The following FZD3 variants were observed in gnomAD, a reference collection of about 807,000 sequenced individuals.
FZD3 encodes frizzled class receptor 3.
In FZD3, 30 loss-of-function variants were observed where a neutral mutation model predicts 60.7. The observed-to-expected ratio is 0.49, with a 90% confidence interval of 0.37 to 0.67. The LOEUF (loss-of-function observed/expected upper bound fraction) is 0.67, where lower values mean the gene tolerates loss of function less well. Among genes scored for constraint, FZD3 ranks in the 30% least tolerant of loss-of-function variants. FZD3 has a pLI of 0.00. For synonymous variants in FZD3, 246 were observed against 275.2 expected, an observed-to-expected ratio of 0.89 and a Z score of 1.05; for missense variants, 605 against 838.7, an observed-to-expected ratio of 0.72 and a Z score of 3.44.
At chr8:28,535,797 G>T (rs550302143) in intron 5 of FZD3, among the ~76,000 whole-genome samples, 4 of 152,148 alleles carry the variant, frequency 2.6e-5, no homozygotes, top group East Asian at 3.9e-4. Context: ...AGATATTTGG[G>T]TTTTTTTGGT....
chr8:28,502,972 G>A lies in FZD3; in HGVS notation c.-42G>A. On this transcript the variant is annotated 5_prime_UTR_variant, in exon 3 of 8. Coordinates refer to ENST00000240093, the MANE Select transcript of FZD3 (RefSeq NM_017412.4). ...TGTATAAATATCTAAAATACATATT[G>A]AATAGGCCTGATCATCTGAATCTCC... is the stretch of plus-strand genomic sequence containing the variant. The A allele has an allele frequency of 2.2e-6, 3 of 1,371,702 alleles. No homozygotes were observed. The highest frequency in any genetic ancestry group is 3.6e-4 in the Middle Eastern group (2 of 5,546). The allele number at this position is 1,371,702 out of a possible 1,614,324, so 85.0% of individuals were successfully genotyped here. A position where few individuals can be genotyped will look rare whatever the true frequency, so the allele number is the denominator to read the frequency against.
intron 4 of FZD3, among the ~76,000 whole-genome samples, chr8:28,524,632 C>G (rs1213121002): frequency 3.3e-5 from 5 of 152,144 alleles, no homozygotes; most frequent in Non-Finnish European, 7.4e-5. Context: ...TTTTCTGCCC[C>G]TTGAATAATG....
chr8:28,506,936 A>T (rs1486314839), intron 3 of FZD3, among the ~76,000 whole-genome samples: 1 of 152,180 alleles, frequency 6.6e-6, no homozygotes, highest in Non-Finnish European at 1.5e-5. Context: ...AGCCTTAAAC[A>T]TTACCAACTC....
At chr8:28,509,799 C>T (rs1804236678) in intron 3 of FZD3, among the ~76,000 whole-genome samples, 1 of 152,112 alleles carries the variant, frequency 6.6e-6, no homozygotes, top group South Asian at 2.1e-4. Flanking sequence ...AATAGTATTC[C>T]ATTGTAGGTA....
chr8:28,570,190 T>C lies in FZD3; in HGVS notation c.*7179T>C, dbSNP rs1805779414. 2.0e-5 allele frequency: 3 copies of C among 152,214 alleles called. No homozygotes were observed. Among genetic ancestry groups the C allele is most frequent in the Admixed American group, 1.3e-4 (2 of 15,284 alleles). The allele number at this position is 152,214 out of a possible 1,614,324, so 9.4% of individuals were successfully genotyped here. On this transcript the variant is annotated 3_prime_UTR_variant, in exon 8 of 8. Transcript: ENST00000240093. ...CTGGAAAAATTCCTTAATTGTCATCTGATATAATGTAGAGATTGAGGCCAG... is the reference window on the plus strand; with the variant it reads ...CTGGAAAAATTCCTTAATTGTCATCCGATATAATGTAGAGATTGAGGCCAG...
rs56863151 is a variant in FZD3, at chr8:28,546,639, G to A, written c.1405-4964G>A. Among the ~76,000 whole-genome samples, 722 of 152,128 alleles carry A rather than the reference G, an allele frequency of 4.7e-3. 25 individuals are homozygous for A. The East Asian group carries it at 0.092, about 19-fold the overall frequency. On this transcript the variant is annotated intron_variant, in intron 5 of 7. Transcript: ENST00000240093. The stretch of plus-strand genomic sequence containing the variant: ...ATTTTTATATTTAGAATCTTCATAC[G>A]TATATTTTTTTAAATTCTGGGATTT...
chr8:28,560,980 C>T (rs1030577697), intron 7 of FZD3, among the ~76,000 whole-genome samples: 10 of 152,176 alleles, frequency 6.6e-5, no homozygotes, highest in African/African-American at 2.4e-4. Context: ...TACCCATTAA[C>T]ATGAGAAATG....
chr8:28,557,693 T>C (rs573560545), intron 7 of FZD3, among the ~76,000 whole-genome samples: 1 of 152,342 alleles, frequency 6.6e-6, no homozygotes, highest in African/African-American at 2.4e-5. Flanking sequence ...AGTCTTTTTC[T>C]CCTCTCTACC....
chr8:28,546,606 C>A (rs115645398), intron 5 of FZD3, among the ~76,000 whole-genome samples: 1 of 151,976 alleles, frequency 6.6e-6, no homozygotes, highest in South Asian at 2.1e-4. Flanking sequence ...ATGCCCCACC[C>A]AGCACTTATT....
Position 28,538,221 on chromosome 8 carries a change from C to A in FZD3, c.1404+10057C>A, listed in dbSNP as rs17059202. ...AATTCTAACCTATCACTATAATAAA[C>A]ACATGTAAATAAGACGTATTTCCAG... On this transcript the variant is annotated intron_variant, in intron 5 of 7. Transcript: ENST00000240093. Among the ~76,000 whole-genome samples the A allele has an allele frequency of 8.3e-3, 1,264 of 151,662 alleles. 6 individuals carry two copies. Among genetic ancestry groups the A allele is most frequent in the African/African-American group, 0.017 (719 of 41,408 alleles).
At chr8:28,549,392 A>G (rs1805362807) in intron 5 of FZD3, among the ~76,000 whole-genome samples, 1 of 152,178 alleles carries the variant, frequency 6.6e-6, no homozygotes, top group South Asian at 2.1e-4. Context: ...ACTAATTGAT[A>G]TTTATATACA....
chr8:28,542,606 C>T (rs1318037212), intron 5 of FZD3, among the ~76,000 whole-genome samples: 2 of 152,108 alleles, frequency 1.3e-5, no homozygotes, highest in African/African-American at 4.8e-5. Context: ...CCACTGCACT[C>T]CAGCCTGGGC....
chr8:28,498,283 C>A (rs567378600), intron 1 of FZD3, among the ~76,000 whole-genome samples: 1 of 152,080 alleles, frequency 6.6e-6, no homozygotes, highest in Non-Finnish European at 1.5e-5. Flanking sequence ...TAGGTCCCCC[C>A]CCTTTTTTTT....
In FZD3 at chr8:28,551,805, T is replaced by C; in HGVS notation, c.1553+54T>C. 2.1e-6 allele frequency: 3 copies of C among 1,415,766 alleles called. No individual in the cohort carries two copies. In the South Asian group the frequency reaches 3.8e-5, roughly 18 times the overall value. The allele number at this position is 1,415,766 out of a possible 1,614,324, so 87.7% of individuals were successfully genotyped here. A position where few individuals can be genotyped will look rare whatever the true frequency, so the allele number is the denominator to read the frequency against. ...CACAAACCTCACATTTACGTAAATT[T>C]TTTTGTGTTGCTTATGTTAAAATGA... On this transcript the variant is annotated intron_variant, in intron 6 of 7. Coordinates refer to ENST00000240093, the MANE Select transcript of FZD3 (RefSeq NM_017412.4).
chr8:28,562,773 A>T, intron 7 of FZD3, 25 bp from the exon 8 acceptor site: 4 of 1,346,336 alleles, frequency 3.0e-6, no homozygotes, highest in Non-Finnish European at 4.2e-6. Flanking sequence ...TCTGTTACCC[A>T]CTTCAAAATA....
intron 5 of FZD3, among the ~76,000 whole-genome samples, chr8:28,539,811 A>G (rs1415553413): frequency 6.6e-6 from 1 of 152,030 alleles, no homozygotes; most frequent in Non-Finnish European, 1.5e-5. Flanking sequence ...ATTCAAAGCT[A>G]AGGTCTCAAA....
Position 28,551,764 on chromosome 8 carries a change from A to C in FZD3, c.1553+13A>C. The C allele has an allele frequency of 1.9e-6, 3 of 1,594,436 alleles. No individual in the cohort carries two copies. Among genetic ancestry groups the C allele is most frequent in the Non-Finnish European group, 8.5e-7 (1 of 1,172,634 alleles). On this transcript the variant is annotated intron_variant, in intron 6 of 7. Coordinates refer to ENST00000240093, the MANE Select transcript of FZD3 (RefSeq NM_017412.4). ...GTAGGAAAAAAGAGTAAGTTGAAAT[A>C]AATGATCACAGTGTTCACAAACCTC...
intron 3 of FZD3, among the ~76,000 whole-genome samples, chr8:28,519,467 TGCCTGTAATCC>T (rs1459537658): frequency 6.6e-6 from 1 of 152,106 alleles, no homozygotes; most frequent in African/African-American, 2.4e-5. Context: ...TGGTGGCTCA[TGCCTGTAATCC>T]CAGCACTTTG....
intron 7 of FZD3, among the ~76,000 whole-genome samples, chr8:28,562,067 C>G (rs1282687680): frequency 6.6e-6 from 1 of 152,144 alleles, no homozygotes; most frequent in Admixed American, 6.5e-5. Flanking sequence ...AGCTCACATA[C>G]TCCAAGCTGG....
Sources: gnomAD v4.1 joint callset for allele counts (sites outside exome capture counted in the v4.1 genomes callset) on GRCh38, gnomAD v4.1.1 for gene constraint, MANE v1.5 for transcripts, NCBI Gene and HGNC (gene_info 2026-07-23, HGNC 2026-07-21) for gene names.